Variants in MCM5 observed in about 807,000 individuals in gnomAD.
MCM5 encodes DNA replication licensing factor MCM5.
MCM5 carries 46 observed loss-of-function variants against 79.9 expected under a neutral mutation model. That is an observed-to-expected ratio of 0.58 (90% CI 0.45 to 0.74). MCM5 has a LOEUF of 0.74. MCM5 is among the 30% of genes least tolerant of loss of function. MCM5 has a pLI of 0.00. For missense variants in MCM5, 883 were observed against 1,017.0 expected (o/e 0.87, Z 1.79); for synonymous variants, 404 against 390.5 (o/e 1.03, Z -0.41).
At chr22:35,433,066 C>T in the MCM5 span, among the ~76,000 whole-genome samples, 2 of 152,084 alleles carry the variant, frequency 1.3e-5, no homozygotes, top group African/African-American at 4.8e-5. Context: ...CCTGGAGTAG[C>T]TGGGACTACA....
intron 4 of MCM5, among the ~76,000 whole-genome samples, chr22:35,405,224 G>A (rs747715731): frequency 1.3e-5 from 2 of 151,988 alleles, no homozygotes; most frequent in Admixed American, 1.3e-4. Flanking sequence ...CACCATGTTG[G>A]CCAGGCTGGT....
At chr22:35,407,572 C>T (rs1418237807) in intron 5 of MCM5, among the ~76,000 whole-genome samples, 1 of 152,248 alleles carries the variant, frequency 6.6e-6, no homozygotes, top group Non-Finnish European at 1.5e-5. Flanking sequence ...ACTGACTACC[C>T]CCAGTCTCAC....
intron 4 of MCM5, 133 bp downstream of exon 4, chr22:35,403,675 C>T (rs1373044947): frequency 5.2e-6 from 6 of 1,149,912 alleles, no homozygotes; most frequent in African/African-American, 4.7e-5. Context: ...ACAAAAGGAT[C>T]GTTTGTTGTT....
the MCM5 span, among the ~76,000 whole-genome samples, chr22:35,449,693 A>G: frequency 1.8e-4 from 27 of 152,190 alleles, no homozygotes; most frequent in Non-Finnish European, 2.6e-4. Context: ...GCTCTGTCCT[A>G]TTACTGGCTT....
the MCM5 span, among the ~76,000 whole-genome samples, chr22:35,449,586 C>T: frequency 1.9e-5 from 1 of 52,718 alleles, no homozygotes; most frequent in Non-Finnish European, 6.7e-5. Flanking sequence ...CTCTCTGTCC[C>T]AGCCGTGGCC....
At chr22:35,405,166 C>T (rs957354793) in intron 4 of MCM5, among the ~76,000 whole-genome samples, 1 of 151,704 alleles carries the variant, frequency 6.6e-6, no homozygotes, top group African/African-American at 2.4e-5. Context: ...GTTGGAATTA[C>T]AGGCACACAC....
downstream of MCM5, among the ~76,000 whole-genome samples, chr22:35,428,220 C>T (rs541692504): frequency 6.6e-5 from 10 of 152,052 alleles, no homozygotes; most frequent in Non-Finnish European, 1.3e-4. Flanking sequence ...TGGGGTTTCA[C>T]CATGTTGGCT....
chr22:35,419,492 C>T (rs7284910), intron 13 of MCM5, among the ~76,000 whole-genome samples: 10,608 of 152,214 alleles, frequency 0.07, 1,298 homozygotes, highest in African/African-American at 0.24. Context: ...GAGTTTGAGA[C>T]TGCTGCAAAG....
chr22:35,423,086 C>T (rs1043083077), intron 15 of MCM5, 128 bp from the exon 16 acceptor site: 18 of 1,008,670 alleles, frequency 1.8e-5, no homozygotes, highest in East Asian at 7.8e-5. Flanking sequence ...CTGGCACACT[C>T]GGTGCCCTTT....
chr22:35,440,951 G>A, the MCM5 span, among the ~76,000 whole-genome samples: 1 of 152,106 alleles, frequency 6.6e-6, no homozygotes, highest in African/African-American at 2.4e-5. Flanking sequence ...CAGCTACTCG[G>A]GAGTCTGAGG....
chr22:35,431,971 G>A, the MCM5 span, among the ~76,000 whole-genome samples: 1 of 152,202 alleles, frequency 6.6e-6, no homozygotes. Flanking sequence ...TCCCCAGAAG[G>A]AACGTGGTGG....
rs4645825 is a variant in MCM5, at chr22:35,424,410, T to C, written c.*155T>C. On this transcript the variant is annotated 3_prime_UTR_variant, in exon 17 of 17. Transcript: ENST00000216122. Reference sequence around the variant, plus strand: ...TCTGCCCCAGAGGAAGGAGCTGTAGTGTCCTGCTGCCTCTGGGCGCCCGCC... The same window carrying C: ...TCTGCCCCAGAGGAAGGAGCTGTAGCGTCCTGCTGCCTCTGGGCGCCCGCC... The C allele has an allele frequency of 1.2e-3, 687 of 593,262 alleles. 11 individuals carry two copies. In the South Asian group the frequency reaches 0.014, roughly 12 times the overall value. 36.7% of individuals were successfully genotyped at this position (593,262 alleles called of 1,614,324 possible). A position where few individuals can be genotyped will look rare whatever the true frequency, so the allele number is the denominator to read the frequency against.
At chr22:35,444,125 A>C in the MCM5 span, among the ~76,000 whole-genome samples, 1 of 151,640 alleles carries the variant, frequency 6.6e-6, no homozygotes. Flanking sequence ...CATATGAGGG[A>C]CTCAGGAAAG....
At chr22:35,448,110 G>C in the MCM5 span, among the ~76,000 whole-genome samples, 1 of 152,196 alleles carries the variant, frequency 6.6e-6, no homozygotes, top group African/African-American at 2.4e-5. Flanking sequence ...CTGAAAATGA[G>C]ACCGGAAACA....
the MCM5 span, among the ~76,000 whole-genome samples, chr22:35,432,841 A>G: frequency 7.0e-6 from 1 of 142,188 alleles, no homozygotes; most frequent in African/African-American, 2.7e-5. Flanking sequence ...CACTCAGGAG[A>G]GCTGGGAGGG....
the MCM5 span, among the ~76,000 whole-genome samples, chr22:35,452,541 C>T: frequency 6.6e-6 from 1 of 152,236 alleles, no homozygotes; most frequent in Non-Finnish European, 1.5e-5. Flanking sequence ...ATAGTCACCT[C>T]TGGGCTACAT....
chr22:35,410,723 TC>T lies in MCM5; in HGVS notation c.753-20del, dbSNP rs773062943. ...AGTCAGAATCTCAGCTTTTCTCCTT[TC>T]TCCTCTACCCTCCTCTCAGGTACCT... On this transcript the variant is annotated intron_variant, in intron 6 of 16. Coordinates refer to ENST00000216122, the MANE Select transcript of MCM5 (RefSeq NM_006739.4). 3.1e-6 allele frequency: 5 copies of T among 1,612,482 alleles called. No individual in the cohort carries two copies. Among genetic ancestry groups the T allele is most frequent in the Non-Finnish European group, 4.2e-6 (5 of 1,178,610 alleles).
chr22:35,445,415 A>G, the MCM5 span, among the ~76,000 whole-genome samples: 2 of 127,794 alleles, frequency 1.6e-5, no homozygotes, highest in Admixed American at 1.0e-4. Flanking sequence ...TACAACCTCT[A>G]CCTCCTGGGT....
the MCM5 span, among the ~76,000 whole-genome samples, chr22:35,453,690 GGAGA>G: frequency 6.7e-5 from 10 of 149,578 alleles, no homozygotes; most frequent in African/African-American, 1.7e-4. Flanking sequence ...AGAAAGACAG[GGAGA>G]GAGAGAGAGA....
Sources: gnomAD v4.1 joint callset for allele counts (sites outside exome capture counted in the v4.1 genomes callset) on GRCh38, gnomAD v4.1.1 for gene constraint, MANE v1.5 for transcripts, NCBI Gene and HGNC (gene_info 2026-07-23, HGNC 2026-07-21) for gene names.